The following ZMYM2 variants were observed in gnomAD, a reference collection of about 807,000 sequenced individuals.
The protein encoded by ZMYM2 is zinc finger MYM-type protein 2.
A neutral mutation model predicts 162.8 loss-of-function variants in ZMYM2; 56 were observed. The observed-to-expected ratio is 0.34, with a 90% CI of 0.28 to 0.43. ZMYM2 has a LOEUF of 0.43. ZMYM2 is among the 20% of genes least tolerant of loss of function. The probability of loss-of-function intolerance (pLI) is 1.00; values close to 1 mark genes in which losing one functional copy is unlikely to be tolerated. For synonymous variants in ZMYM2, 510 were observed against 541.6 expected (o/e 0.94, Z 0.81); for missense variants, 1,275 against 1,621.8 (o/e 0.79, Z 3.67).
the ZMYM2 span, among the ~76,000 whole-genome samples, chr13:19,904,626 C>A: frequency 6.6e-6 from 1 of 152,026 alleles, no homozygotes; most frequent in African/African-American, 2.4e-5. Flanking sequence ...AAAGGTATAG[C>A]AACATTTGTA....
At chr13:20,069,374 G>T (rs531944852) in intron 21 of ZMYM2, among the ~76,000 whole-genome samples, 34 of 151,986 alleles carry the variant, frequency 2.2e-4, no homozygotes, top group African/African-American at 8.0e-4. Flanking sequence ...GATCTTAGAG[G>T]AAAGTATTTT....
chr13:19,880,051 C>G, the ZMYM2 span, among the ~76,000 whole-genome samples: 1 of 152,180 alleles, frequency 6.6e-6, no homozygotes, highest in Non-Finnish European at 1.5e-5. Context: ...CGCCTTTAGA[C>G]TCTAGGACCA....
At chr13:20,047,635 A>G (rs1954943001) in intron 12 of ZMYM2, among the ~76,000 whole-genome samples, 1 of 152,174 alleles carries the variant, frequency 6.6e-6, no homozygotes, top group South Asian at 2.1e-4. Flanking sequence ...TACCTATAGT[A>G]TAAATAACTT....
chr13:20,085,894 T>C lies in ZMYM2; in HGVS notation c.4014T>C (p.Pro1338=). 1 of 1,613,800 alleles carries C rather than the reference T, an allele frequency of 6.2e-7. No individual in the cohort carries two copies. Among genetic ancestry groups the C allele is most frequent in the South Asian group, 1.1e-5 (1 of 91,050 alleles). The change falls in exon 25 of 25, where the codon CCT becomes CCC. Residue 1338 remains proline (P), a synonymous_variant. Transcript: ENST00000610343. ...AATGCTCTAGTTCTACAGATAGCCC[T>C]GTCTGGTATACGTCTACTTCACTGG... ...QPECSSSTDS[P]VWYTSTSLDR... is the part of the protein sequence containing the mutation.
chr13:20,048,677 A>G (rs116904224), intron 12 of ZMYM2, among the ~76,000 whole-genome samples: 1,550 of 152,106 alleles, frequency 0.01, 16 homozygotes, highest in Middle Eastern at 0.017. Flanking sequence ...CTGGGTCAGG[A>G]TAGGCTGAAT....
chr13:19,936,478 A>C, the ZMYM2 span, among the ~76,000 whole-genome samples: 1 of 152,004 alleles, frequency 6.6e-6, no homozygotes, highest in Non-Finnish European at 1.5e-5. Context: ...TCCCAGCACT[A>C]TAGGAGACTG....
the ZMYM2 span, among the ~76,000 whole-genome samples, chr13:19,884,429 T>A: frequency 6.6e-6 from 1 of 152,042 alleles, no homozygotes; most frequent in Admixed American, 6.5e-5. Flanking sequence ...TACAAAAAAA[T>A]AAGCCAGACG....
intron 3 of ZMYM2, among the ~76,000 whole-genome samples, chr13:19,996,390 C>T (rs1950018763): frequency 1.3e-5 from 2 of 151,876 alleles, no homozygotes; most frequent in South Asian, 2.1e-4. Flanking sequence ...AGACCAGCCT[C>T]TGGGCAACAG....
intron 2 of ZMYM2, among the ~76,000 whole-genome samples, chr13:19,980,773 A>G (rs1957250478): frequency 6.6e-6 from 1 of 151,354 alleles, no homozygotes; most frequent in Admixed American, 6.6e-5. Flanking sequence ...AAAAAAAAAA[A>G]AAAGAATTTT....
intron 21 of ZMYM2, among the ~76,000 whole-genome samples, chr13:20,071,235 G>A (rs1312825871): frequency 6.6e-6 from 1 of 152,134 alleles, no homozygotes; most frequent in Admixed American, 6.5e-5. Context: ...ATCATGCCCA[G>A]CTAATTTTTT....
chr13:20,081,886 CATGTTTTAGT>C (rs1434043726), intron 21 of ZMYM2, 120 bp from the exon 22 acceptor site: 38 of 521,962 alleles, frequency 7.3e-5, no homozygotes, highest in Non-Finnish European at 1.2e-4. Context: ...TAAAATCAGT[CATGTTTTAGT>C]ATGCATTTCA....
chr13:19,972,892 A>G (rs1956445283), intron 2 of ZMYM2, among the ~76,000 whole-genome samples: 1 of 151,008 alleles, frequency 6.6e-6, no homozygotes, highest in Non-Finnish European at 1.5e-5. Flanking sequence ...TATAGCTGTT[A>G]CAAATTATAT....
chr13:20,075,942 C>G (rs1007069026), intron 21 of ZMYM2, among the ~76,000 whole-genome samples: 1 of 152,012 alleles, frequency 6.6e-6, no homozygotes, highest in East Asian at 1.9e-4. Context: ...GTGATCCCCC[C>G]ACCTCAGCCT....
intron 7 of ZMYM2, among the ~76,000 whole-genome samples, chr13:20,022,234 C>T (rs1163522130): frequency 1.3e-5 from 2 of 152,108 alleles, no homozygotes; most frequent in Admixed American, 6.6e-5. Flanking sequence ...AAATAGTTCC[C>T]TAGTTTTTGT....
chr13:19,966,531 C>T lies in ZMYM2; in HGVS notation c.-11+6505C>T, dbSNP rs760872894. 4.6e-5 allele frequency among the ~76,000 whole-genome samples: 7 copies of T among 151,758 alleles called. 1 individual carries two copies. Among genetic ancestry groups the T allele is most frequent in the South Asian group, 4.2e-4 (2 of 4,812 alleles). Reference sequence around the variant, plus strand: ...GTGCAATGGTGTGATCAGGGCTCACCGCAGCCCCTACCTCCTGGTTTCAAG... The same window carrying T: ...GTGCAATGGTGTGATCAGGGCTCACTGCAGCCCCTACCTCCTGGTTTCAAG... On this transcript the variant is annotated intron_variant, in intron 2 of 24. Transcript: ENST00000610343.
chr13:19,920,836 C>T, the ZMYM2 span, among the ~76,000 whole-genome samples: 6 of 152,070 alleles, frequency 3.9e-5, no homozygotes, highest in African/African-American at 1.4e-4. Context: ...GATCTTGGCT[C>T]ACTGCAGCCT....
chr13:19,866,302 CA>C, the ZMYM2 span, among the ~76,000 whole-genome samples: 1 of 152,076 alleles, frequency 6.6e-6, no homozygotes, highest in Non-Finnish European at 1.5e-5. Flanking sequence ...GCACCTGGCA[CA>C]TTAATTAATA....
the ZMYM2 span, among the ~76,000 whole-genome samples, chr13:19,871,217 G>A: frequency 6.6e-6 from 1 of 152,132 alleles, no homozygotes; most frequent in Admixed American, 6.6e-5. Flanking sequence ...TTTATGATAT[G>A]CTGCAAATTA....
intron 10 of ZMYM2, among the ~76,000 whole-genome samples, chr13:20,032,832 C>A (rs952776833): frequency 3.3e-5 from 5 of 152,016 alleles, no homozygotes; most frequent in Admixed American, 6.5e-5. Context: ...TGGTCTTGAT[C>A]TCCTGGCCTC....
Sources: gnomAD v4.1 joint callset for allele counts (sites outside exome capture counted in the v4.1 genomes callset) on GRCh38, gnomAD v4.1.1 for gene constraint, MANE v1.5 for transcripts, NCBI Gene and HGNC (gene_info 2026-07-23, HGNC 2026-07-21) for gene names.